Variants in CHCHD6 observed in about 807,000 individuals in gnomAD.
CHCHD6 encodes MICOS complex subunit MIC25.
In CHCHD6, 28 loss-of-function variants were observed where a neutral mutation model predicts 32.3. The observed-to-expected ratio is 0.87, with a 90% CI of 0.64 to 1.19. The LOEUF is 1.19. Ranked by LOEUF, CHCHD6 falls within the 50% of genes most tolerant of loss-of-function variation. The pLI, the probability that CHCHD6 is intolerant of heterozygous loss-of-function variation, is 0.00. For synonymous variants in CHCHD6, 122 were observed against 117.5 expected, an observed-to-expected ratio of 1.04 and a Z score of -0.25; for missense variants, 333 against 307.0, an observed-to-expected ratio of 1.08 and a Z score of -0.63.
intron 4 of CHCHD6, among the ~76,000 whole-genome samples, chr3:126,805,273 A>G (rs1204835653): frequency 6.6e-6 from 1 of 152,240 alleles, no homozygotes; most frequent in Non-Finnish European, 1.5e-5. Flanking sequence ...CCCTGTTTGC[A>G]GACGACATGA....
In CHCHD6 at chr3:126,894,276, A is replaced by G. The variant is rs565136286; in HGVS notation, c.496-20404A>G. Among the ~76,000 whole-genome samples the G allele has an allele frequency of 9.7e-4, 147 of 152,288 alleles. 2 individuals are homozygous for G. Among genetic ancestry groups the G allele is most frequent in the African/African-American group, 3.3e-3 (139 of 41,570 alleles). On this transcript the variant is annotated intron_variant, in intron 5 of 7. Transcript: ENST00000290913. ...CCCCTTGGGGGCTGGTCCTTCCTCTATGTTAGCCAGGAGCCCACGGTTCTC... is the reference window on the plus strand; with the variant it reads ...CCCCTTGGGGGCTGGTCCTTCCTCTGTGTTAGCCAGGAGCCCACGGTTCTC...
chr3:126,745,308 A>G (rs2107665239), intron 4 of CHCHD6, among the ~76,000 whole-genome samples: 1 of 152,306 alleles, frequency 6.6e-6, no homozygotes, highest in African/African-American at 2.4e-5. Context: ...CTGGGCTCAG[A>G]TGCCCCAGGT....
chr3:126,938,582 T>G (rs1415520086), intron 6 of CHCHD6, among the ~76,000 whole-genome samples: 1 of 152,248 alleles, frequency 6.6e-6, no homozygotes, highest in African/African-American at 2.4e-5. Context: ...ATCAGCCACA[T>G]TAAAAGACTG....
intron 4 of CHCHD6, among the ~76,000 whole-genome samples, chr3:126,837,811 C>T (rs561430319): frequency 3.9e-5 from 6 of 152,118 alleles, no homozygotes; most frequent in African/African-American, 1.2e-4. Flanking sequence ...GAATGTGGTA[C>T]TTATTGGATA....
intron 4 of CHCHD6, among the ~76,000 whole-genome samples, chr3:126,746,843 T>C (rs1361840171): frequency 1.3e-5 from 2 of 152,242 alleles, no homozygotes; most frequent in Non-Finnish European, 2.9e-5. Flanking sequence ...CTTGATTGTT[T>C]GCAGTGCTTC....
At chr3:126,955,885 G>A (rs2078776799) in intron 6 of CHCHD6, among the ~76,000 whole-genome samples, 2 of 152,148 alleles carry the variant, frequency 1.3e-5, no homozygotes, top group African/African-American at 4.8e-5. Flanking sequence ...CTGCAGAGAG[G>A]ACTGCGCTGC....
chr3:126,930,222 A>G (rs1353666996), intron 6 of CHCHD6, among the ~76,000 whole-genome samples: 4 of 152,182 alleles, frequency 2.6e-5, no homozygotes, highest in South Asian at 4.1e-4. Flanking sequence ...TTCCTTTTCC[A>G]TGTACTCCAA....
At chr3:126,742,394 G>A (rs1936322995) in intron 4 of CHCHD6, among the ~76,000 whole-genome samples, 1 of 152,174 alleles carries the variant, frequency 6.6e-6, no homozygotes, top group Admixed American at 6.5e-5. Flanking sequence ...TGAGCTTCCG[G>A]TATCTCCCCT....
At chr3:126,905,536 G>A (rs1411363310) in intron 5 of CHCHD6, among the ~76,000 whole-genome samples, 10 of 87,236 alleles carry the variant, frequency 1.1e-4, no homozygotes, top group East Asian at 2.2e-4. Context: ...CACAGGGGGT[G>A]TCTTGGATGT....
chr3:126,773,063 A>G (rs891660280), intron 4 of CHCHD6, among the ~76,000 whole-genome samples: 3 of 151,842 alleles, frequency 2.0e-5, no homozygotes, highest in Admixed American at 6.6e-5. Flanking sequence ...TAGGGCCCCA[A>G]TCTCTTCTGG....
intron 4 of CHCHD6, among the ~76,000 whole-genome samples, chr3:126,801,416 AC>A: frequency 6.6e-6 from 1 of 152,312 alleles, no homozygotes; most frequent in East Asian, 1.9e-4. Context: ...TATATCCCGC[AC>A]CTGGCTCGGA....
intron 6 of CHCHD6, among the ~76,000 whole-genome samples, chr3:126,920,885 C>T (rs1442038338): frequency 6.6e-6 from 1 of 152,198 alleles, no homozygotes; most frequent in East Asian, 1.9e-4. Context: ...CGGTTCCCTT[C>T]CCTTCATAAT....
chr3:126,919,760 G>T (rs1229630646), intron 6 of CHCHD6, among the ~76,000 whole-genome samples: 1 of 149,168 alleles, frequency 6.7e-6, no homozygotes, highest in Non-Finnish European at 1.5e-5. Context: ...TTACATTCTT[G>T]ATTTTTTTTT....
chr3:126,732,078 CAAA>C (rs57722271), intron 3 of CHCHD6, among the ~76,000 whole-genome samples: 10 of 75,858 alleles, frequency 1.3e-4, no homozygotes, highest in South Asian at 3.7e-4. Flanking sequence ...GACCCAAAAC[CAAA>C]AAAAAAAAAA....
At chr3:126,935,003 A>G (rs1056788292) in intron 6 of CHCHD6, 33 of 332,220 alleles carry the variant, frequency 9.9e-5, no homozygotes, top group Non-Finnish European at 1.3e-4. Context: ...GGACGAGAAG[A>G]CAGTTTTTAT....
chr3:126,863,467 T>TCCC (rs1942049646), intron 5 of CHCHD6, among the ~76,000 whole-genome samples: 1 of 127,740 alleles, frequency 7.8e-6, no homozygotes, highest in Non-Finnish European at 1.7e-5. Flanking sequence ...TGTCACCACC[T>TCCC]CCTCCACCAC....
At chr3:126,727,487 A>G (rs1424214276) in intron 2 of CHCHD6, among the ~76,000 whole-genome samples, 2 of 152,234 alleles carry the variant, frequency 1.3e-5, no homozygotes, top group African/African-American at 4.8e-5. Flanking sequence ...AAGGCTCCTC[A>G]GAGGCGGCAT....
chr3:126,708,032 C>CAGAGCTA (rs1300171781), intron 1 of CHCHD6, among the ~76,000 whole-genome samples: 2 of 152,196 alleles, frequency 1.3e-5, no homozygotes, highest in Non-Finnish European at 2.9e-5. Context: ...AAAGAGCTGC[C>CAGAGCTA]AGAGCTAAGG....
At chr3:126,918,338 A>G (rs1258743539) in intron 6 of CHCHD6, among the ~76,000 whole-genome samples, 2 of 152,224 alleles carry the variant, frequency 1.3e-5, no homozygotes, top group African/African-American at 2.4e-5. Flanking sequence ...CTAGATGTCC[A>G]TGTATTCATT....
Sources: gnomAD v4.1 joint callset for allele counts (sites outside exome capture counted in the v4.1 genomes callset) on GRCh38, gnomAD v4.1.1 for gene constraint, MANE v1.5 for transcripts, NCBI Gene and HGNC (gene_info 2026-07-23, HGNC 2026-07-21) for gene names.